The following WBP11 variants were observed in gnomAD, a reference collection of about 807,000 sequenced individuals.
The protein encoded by WBP11 is WW domain binding protein 11.
Under a neutral mutation model 66.7 loss-of-function variants are expected in WBP11, and 12 were observed. That is an observed-to-expected ratio of 0.18 (90% CI 0.12 to 0.29). The LOEUF (loss-of-function observed/expected upper bound fraction) is 0.29, where lower values mean the gene tolerates loss of function less well. Ranked by LOEUF, WBP11 falls within the 10% of genes least tolerant of loss-of-function variation. The probability of loss-of-function intolerance (pLI) is 1.00; values close to 1 mark genes in which losing one functional copy is unlikely to be tolerated. For missense variants in WBP11, 555 were observed against 818.3 expected, an observed-to-expected ratio of 0.68 and a Z score of 3.93; for synonymous variants, 255 against 273.8, an observed-to-expected ratio of 0.93 and a Z score of 0.68.
rs1949749076 is a variant in WBP11 at position 14,785,933 on chromosome 12, CATTAA to C, written c.*1127_*1131del. On this transcript the variant is annotated 3_prime_UTR_variant, in exon 12 of 12. Coordinates refer to ENST00000261167, the MANE Select transcript of WBP11 (RefSeq NM_016312.3). ...AGGGTTAATTGGTAGATGAGTTAGT[CATTAA>C]ATTAACATTAAACTTACTAAGAGTT... 1 of 137,254 alleles carries C rather than the reference CATTAA, an allele frequency of 7.3e-6. No individual in the cohort carries two copies. Among genetic ancestry groups the C allele is most frequent in the Non-Finnish European group, 1.6e-5 (1 of 64,406 alleles). The allele number at this position is 137,254 out of a possible 1,614,324, so 8.5% of individuals were successfully genotyped here.
chr12:14,801,051 G>T (rs569745326), intron 2 of WBP11: 8 of 453,024 alleles, frequency 1.8e-5, no homozygotes, highest in African/African-American at 6.0e-5. Context: ...ACAAGGGCTC[G>T]CAAAACTAAT....
intron 11 of WBP11, 126 bp from the exon 12 acceptor site, chr12:14,787,624 G>T: frequency 1.2e-6 from 1 of 856,100 alleles, no homozygotes; most frequent in Non-Finnish European, 1.6e-6. Context: ...AAAATAAGCT[G>T]AATTCATATT....
Position 14,796,079 on chromosome 12 carries a change from GCA to G in WBP11, c.387+726_387+727del, listed in dbSNP as rs1480411628. The stretch of plus-strand genomic sequence containing the variant: ...AACCACGGCTACATTTTTTTTTCCT[GCA>G]CAGATTATCTGTGACTATTCTAGAA... On this transcript the variant is annotated intron_variant, in intron 5 of 11. Transcript: ENST00000261167. The surrounding 1 kb of genome is among the most constrained non-coding windows in gnomAD (Gnocchi z 4.5). 6.6e-6 allele frequency among the ~76,000 whole-genome samples: 1 copy of G among 151,622 alleles called. No homozygotes were observed. Among genetic ancestry groups the G allele is most frequent in the Non-Finnish European group, 1.5e-5 (1 of 67,932 alleles).
chr12:14,792,115 G>A lies in WBP11; in HGVS notation c.914-845C>T, dbSNP rs539518117. The stretch of plus-strand genomic sequence containing the variant: ...TCATCCATGTAACCAAACACAACCT[G>A]TTCTCCAAAAACTATCAAAATTAAA... On this transcript the variant is annotated intron_variant, in intron 8 of 11. Coordinates refer to ENST00000261167, the MANE Select transcript of WBP11 (RefSeq NM_016312.3). Among the ~76,000 whole-genome samples, 440 of 151,764 alleles carry A rather than the reference G, an allele frequency of 2.9e-3. 3 individuals are homozygous for A. Among genetic ancestry groups the A allele is most frequent in the Non-Finnish European group, 4.5e-3 (306 of 67,930 alleles).
At chr12:14,787,534 GAACT>G (rs775832194) in intron 11 of WBP11, 36 bp from the exon 12 acceptor site, 431 of 1,428,744 alleles carry the variant, frequency 3.0e-4, no homozygotes, top group Non-Finnish European at 3.6e-4. Flanking sequence ...AATACTGTAA[GAACT>G]AATAAAATTT....
intron 4 of WBP11, among the ~76,000 whole-genome samples, chr12:14,797,720 G>A (rs902643058): frequency 6.6e-6 from 1 of 152,202 alleles, no homozygotes; most frequent in Non-Finnish European, 1.5e-5. Context: ...TTTAAATGTA[G>A]ATGTGAGAGA....
intron 8 of WBP11, among the ~76,000 whole-genome samples, chr12:14,792,888 A>G (rs939529245): frequency 6.6e-6 from 1 of 151,940 alleles, no homozygotes; most frequent in Admixed American, 6.6e-5. Flanking sequence ...AAAGGAAAAG[A>G]AGGCAAGAGA....
intron 10 of WBP11, 119 bp from the exon 11 acceptor site, chr12:14,789,252 G>A (rs1363780021): frequency 3.2e-6 from 3 of 951,318 alleles, no homozygotes; most frequent in East Asian, 6.4e-5. Context: ...ACTTCAAGAA[G>A]TTAATGAAAC....
chr12:14,792,536 T>C (rs1455083395), intron 8 of WBP11, among the ~76,000 whole-genome samples: 1 of 131,388 alleles, frequency 7.6e-6, no homozygotes, highest in East Asian at 2.0e-4. Context: ...TTGATGAGAA[T>C]ATATAAGAAA....
chr12:14,785,967 C>A lies in WBP11; in HGVS notation c.*1098G>T, dbSNP rs1259304340. ...AACATTAAACTTACTAAGAGTTAGT[C>A]TAAATTGGTAGATGAGTTTACATTA... On this transcript the variant is annotated 3_prime_UTR_variant, in exon 12 of 12. Coordinates refer to ENST00000261167, the MANE Select transcript of WBP11 (RefSeq NM_016312.3). 6.6e-6 allele frequency: 1 copy of A among 152,066 alleles called. No homozygotes were observed. Among genetic ancestry groups the A allele is most frequent in the African/African-American group, 2.4e-5 (1 of 41,374 alleles). 9.4% of individuals were successfully genotyped at this position (152,066 alleles called of 1,614,324 possible).
rs148931361 is a variant in WBP11, at chr12:14,795,078, A to G, written c.414T>C (p.Ser138=). 78 of 1,612,104 alleles carry G rather than the reference A, an allele frequency of 4.8e-5. No individual in the cohort carries two copies. In the African/African-American group the frequency reaches 9.5e-4, roughly 20 times the overall value. The change falls in exon 6 of 12, where the codon AGT becomes AGC. Residue 138 remains serine (S), a synonymous_variant. Coordinates refer to ENST00000261167, the MANE Select transcript of WBP11 (RefSeq NM_016312.3). The stretch of plus-strand genomic sequence containing the variant: ...CATGTGGCATATCTGGCAAAGGAAT[A>G]CTCTCCACTTCCACATGCTGAGCAT... ...VKNAQHVEVE[S]IPLPDMPHAP...
chr12:14,802,383 T>C (rs1949975863), intron 1 of WBP11, among the ~76,000 whole-genome samples: 1 of 152,200 alleles, frequency 6.6e-6, no homozygotes, highest in African/African-American at 2.4e-5. Context: ...TTACAGTTAA[T>C]GTCTCTTTCA....
At chr12:14,800,906 A>C (rs1469668258) in intron 2 of WBP11, 123 bp from the exon 3 acceptor site, 2 of 768,270 alleles carry the variant, frequency 2.6e-6, no homozygotes, top group Non-Finnish European at 4.1e-6. Context: ...AAAGAGCAGC[A>C]TCTTTGGATT....
At chr12:14,800,376 T>G (rs986708464) in intron 3 of WBP11, among the ~76,000 whole-genome samples, 13 of 151,924 alleles carry the variant, frequency 8.6e-5, no homozygotes, top group Admixed American at 2.6e-4. Flanking sequence ...TTTAAGCTAA[T>G]GTAATATATG....
chr12:14,787,512 A>G lies in WBP11; in HGVS notation c.1493-14T>C, dbSNP rs1949766714. On this transcript the variant is annotated splice_polypyrimidine_tract_variant and intron_variant, in intron 11 of 11. Coordinates refer to ENST00000261167, the MANE Select transcript of WBP11 (RefSeq NM_016312.3). ...GTGGAGGAATACCTAAATGAATAAA[A>G]TAGGCAAGATGAATACTGTAAGAAC... The G allele has an allele frequency of 6.7e-7, 1 of 1,491,504 alleles. No homozygotes were observed. Among genetic ancestry groups the G allele is most frequent in the East Asian group, 2.3e-5 (1 of 43,704 alleles). 92.4% of individuals were successfully genotyped at this position (1,491,504 alleles called of 1,614,324 possible). A position where few individuals can be genotyped will look rare whatever the true frequency, so the allele number is the denominator to read the frequency against.
rs150908147 is a variant in WBP11, at chr12:14,793,791, C to T, written c.853G>A (p.Gly285Arg). The T allele has an allele frequency of 9.3e-6, 15 of 1,614,028 alleles. No individual in the cohort carries two copies. In the Admixed American group the frequency reaches 1.0e-4, roughly 11 times the overall value. Reference sequence around the variant, plus strand: ...TTATCACGGTGCACAAATTCATCCCCGTCACTTTCTCCATCTGATTTGTCG... The same window carrying T: ...TTATCACGGTGCACAAATTCATCCCTGTCACTTTCTCCATCTGATTTGTCG... The part of the protein sequence containing the change: ...DTDKSDGESD[G>R]DEFVHRDNGE... The change falls in exon 8 of 12, where the codon GGG (glycine) becomes AGG (arginine). Residue 285 changes from glycine to arginine, a missense_variant. Gly to Arg is a moderately radical substitution (Grantham distance 125, BLOSUM62 -2). Around this residue, in one of 6 missense-constraint regions of WBP11, gnomAD observed 220 missense variants for 268.2 expected, o/e 0.82. Coordinates refer to ENST00000261167, the MANE Select transcript of WBP11 (RefSeq NM_016312.3).
At position 14,786,741 on chromosome 12, in the gene WBP11, C is replaced by A. The variant is rs2137226206; in HGVS notation, c.*324G>T. 4.5e-6 allele frequency: 1 copy of A among 219,888 alleles called. No individual in the cohort carries two copies. Among genetic ancestry groups the A allele is most frequent in the South Asian group, 1.3e-4 (1 of 7,884 alleles). 13.6% of individuals were successfully genotyped at this position (219,888 alleles called of 1,614,324 possible). On this transcript the variant is annotated 3_prime_UTR_variant, in exon 12 of 12. Coordinates refer to ENST00000261167, the MANE Select transcript of WBP11 (RefSeq NM_016312.3). The stretch of plus-strand genomic sequence containing the variant: ...TCTCTACTCCAGTGCCCACAGCACA[C>A]AAGAGTCAAAACAAATAAGCAACTA...
chr12:14,791,118 T>G, intron 9 of WBP11, 51 bp downstream of exon 9: 1 of 1,533,216 alleles, frequency 6.5e-7, no homozygotes, highest in Middle Eastern at 1.9e-4. Context: ...TGTAAAGTAA[T>G]TAGCGTGAGG....
Position 14,791,236 on chromosome 12 carries a change from T to C in WBP11, c.948A>G (p.Lys316=). The C allele has an allele frequency of 1.2e-6, 2 of 1,614,092 alleles. No homozygotes were observed. The highest frequency in any genetic ancestry group is 1.6e-4 in the Middle Eastern group (1 of 6,062). ...LSVRFADMPG[K]SRKKKKNMKE... is the part of the protein sequence containing the mutation. The stretch of plus-strand genomic sequence containing the variant: ...TCATGTTCTTCTTTTTCTTCCTTGA[T>C]TTTCCAGGCATATCTGCAAACCGTA... Residue 316 remains lysine, a synonymous_variant, in exon 9 of 12, where the codon AAA becomes AAG. Transcript: ENST00000261167.
Sources: gnomAD v4.1 joint callset for allele counts (sites outside exome capture counted in the v4.1 genomes callset) on GRCh38, gnomAD v4.1.1 for gene constraint, gnomAD v4.1.1 regional missense constraint, Gnocchi (gnomAD v3.1) non-coding constraint, MANE v1.5 for transcripts, NCBI Gene and HGNC (gene_info 2026-07-23, HGNC 2026-07-21) for gene names.